IZUMO1R: variants seen among roughly 807,000 people sequenced by gnomAD.
IZUMO1R encodes the protein sperm-egg fusion protein Juno.
Under a neutral mutation model 22.1 loss-of-function variants are expected in IZUMO1R, and 24 were observed. The observed-to-expected ratio is 1.09, with a 90% CI of 0.79 to 1.53. The LOEUF (loss-of-function observed/expected upper bound fraction) is 1.53. IZUMO1R is among the 40% of genes most tolerant of loss of function. IZUMO1R has a pLI of 0.00. For synonymous variants in IZUMO1R, 133 were observed against 121.2 expected (o/e 1.10, Z -0.64); for missense variants, 308 against 314.9 (o/e 0.98, Z 0.17).
chr11:94,305,411 C>A (rs1372179806), intron 1 of IZUMO1R, among the ~76,000 whole-genome samples: 1 of 152,186 alleles, frequency 6.6e-6, no homozygotes, highest in African/African-American at 2.4e-5. Context: ...CTCTGCAGGG[C>A]CAGCAAGGCC....
intron 2 of IZUMO1R, 101 bp downstream of exon 2, chr11:94,305,875 T>G: frequency 7.2e-7 from 1 of 1,396,234 alleles, no homozygotes; most frequent in Non-Finnish European, 9.8e-7. Context: ...ATTTGGTTCC[T>G]GGGGTTAGGA....
At chr11:94,305,975 C>G (rs1423396216) in intron 2 of IZUMO1R, among the ~76,000 whole-genome samples, 2 of 151,164 alleles carry the variant, frequency 1.3e-5, no homozygotes, top group Non-Finnish European at 2.9e-5. Context: ...CTGAGCTGCT[C>G]TAGCCACTGG....
Position 94,307,153 on chromosome 11 carries a change from G to A in IZUMO1R, c.349-12G>A. 6 of 1,586,698 alleles carry A rather than the reference G, an allele frequency of 3.8e-6. No individual in the cohort carries two copies. Among genetic ancestry groups the A allele is most frequent in the Non-Finnish European group, 4.3e-6 (5 of 1,166,086 alleles). On this transcript the variant is annotated splice_polypyrimidine_tract_variant and intron_variant, in intron 3 of 4. Transcript: ENST00000687084. ...TATTAATGTTCTAATCTCTGGCTAT[G>A]ACTGCACCCAGGTGGCCCCGAGTGG...
intron 2 of IZUMO1R, 106 bp from the exon 3 acceptor site, chr11:94,306,407 C>A: frequency 9.5e-7 from 1 of 1,054,682 alleles, no homozygotes; most frequent in Admixed American, 1.7e-5. Flanking sequence ...ATCCCACTTG[C>A]TCAGGCCTCC....
rs1450404882 is a variant in IZUMO1R at position 94,306,728 on chromosome 11, A to G, written c.348+6A>G. 1.9e-6 allele frequency: 3 copies of G among 1,613,642 alleles called. No individual in the cohort carries two copies. The Admixed American group carries it at 5.0e-5, about 27-fold the overall frequency. ...TGGGAAGCCTGGGGTGGGAGGTAGG[A>G]AGCAGATCTGTGCCATGCCCTGTTA... On this transcript the variant is annotated splice_donor_region_variant and intron_variant, in intron 3 of 4. Coordinates refer to ENST00000687084, the MANE Select transcript of IZUMO1R (RefSeq NM_001199206.4).
chr11:94,304,831 T>C lies in IZUMO1R; in HGVS notation c.-55T>C, dbSNP rs1206218664. Among the ~76,000 whole-genome samples the C allele has an allele frequency of 1.3e-5, 2 of 152,144 alleles. No individual in the cohort carries two copies. The highest frequency in any genetic ancestry group is 2.9e-5 in the Non-Finnish European group (2 of 68,020). ...CATGGAACTCCCCTCAGCCTCATAG[T>C]CTCAGGGGGAGGAGGGAGCAGGAGC... On this transcript the variant is annotated 5_prime_UTR_variant, in exon 1 of 5. Coordinates refer to ENST00000687084, the MANE Select transcript of IZUMO1R (RefSeq NM_001199206.4).
At chr11:94,306,389 C>G in intron 2 of IZUMO1R, 124 bp from the exon 3 acceptor site, 1 of 859,586 alleles carries the variant, frequency 1.2e-6, no homozygotes, top group African/African-American at 1.6e-5. Context: ...GGCTTACTAG[C>G]TAAAGGCATC....
chr11:94,307,012 CT>C (rs1944028501), intron 3 of IZUMO1R, among the ~76,000 whole-genome samples, 152 bp from the exon 4 acceptor site: 1 of 152,194 alleles, frequency 6.6e-6, no homozygotes, highest in Non-Finnish European at 1.5e-5. Context: ...TATTAAATCT[CT>C]TAGCCTCATT....
rs1016428721 is a variant in IZUMO1R at position 94,306,373 on chromosome 11, T to A, written c.139-140T>A. ...TGAGAGATTATCAGGGTTCCTCTTATGTAGGGGCTTACTAGCTAAAGGCAT... is the reference window on the plus strand; with the variant it reads ...TGAGAGATTATCAGGGTTCCTCTTAAGTAGGGGCTTACTAGCTAAAGGCAT... On this transcript the variant is annotated intron_variant, in intron 2 of 4. Coordinates refer to ENST00000687084, the MANE Select transcript of IZUMO1R (RefSeq NM_001199206.4). 4.0e-6 allele frequency: 3 copies of A among 752,982 alleles called. No individual in the cohort carries two copies. In the African/African-American group the frequency reaches 5.1e-5, roughly 13 times the overall value. The allele number at this position is 752,982 out of a possible 1,614,324, so 46.6% of individuals were successfully genotyped here.
chr11:94,306,961 C>T (rs1218001082), intron 3 of IZUMO1R, among the ~76,000 whole-genome samples: 1 of 152,104 alleles, frequency 6.6e-6, no homozygotes, highest in Non-Finnish European at 1.5e-5. Flanking sequence ...GAGCTTCAGT[C>T]TCATGTTCTG....
At chr11:94,305,468 A>T in intron 1 of IZUMO1R, 163 bp from the exon 2 acceptor site, 1 of 789,934 alleles carries the variant, frequency 1.3e-6, no homozygotes, top group Non-Finnish European at 2.0e-6. Context: ...CTGCCCTGAC[A>T]TTCTGTGATG....
rs1944026803 is a variant in IZUMO1R at position 94,306,863 on chromosome 11, T to A, written c.348+141T>A. Reference sequence around the variant, plus strand: ...GGACAAGAGCAGAGCCAGAGGCCCCTGCTGGAGAATCACATGGGGGAGACT... The same window carrying A: ...GGACAAGAGCAGAGCCAGAGGCCCCAGCTGGAGAATCACATGGGGGAGACT... On this transcript the variant is annotated intron_variant, in intron 3 of 4. Coordinates refer to ENST00000687084, the MANE Select transcript of IZUMO1R (RefSeq NM_001199206.4). 5 of 889,216 alleles carry A rather than the reference T, an allele frequency of 5.6e-6. No individual in the cohort carries two copies. In the East Asian group the frequency reaches 1.3e-4, roughly 24 times the overall value. 55.1% of individuals were successfully genotyped at this position (889,216 alleles called of 1,614,324 possible). A position where few individuals can be genotyped will look rare whatever the true frequency, so the allele number is the denominator to read the frequency against.
intron 3 of IZUMO1R, 55 bp downstream of exon 3, chr11:94,306,777 A>G (rs2134629555): frequency 6.5e-7 from 1 of 1,546,420 alleles, no homozygotes; most frequent in Admixed American, 1.8e-5. Flanking sequence ...CAGAGCTTTC[A>G]CCCGATCTTA....
At chr11:94,306,966 G>A (rs7935583) in intron 3 of IZUMO1R, among the ~76,000 whole-genome samples, 199 bp from the exon 4 acceptor site, 13,759 of 152,122 alleles carry the variant, frequency 0.09, 1,719 homozygotes, top group African/African-American at 0.28. Context: ...TCAGTCTCAT[G>A]TTCTGTCCCT....
At chr11:94,307,346 G>T (rs749205572) in intron 4 of IZUMO1R, 46 bp downstream of exon 4, 38 of 1,612,030 alleles carry the variant, frequency 2.4e-5, no homozygotes, top group Non-Finnish European at 3.1e-5. Context: ...GCCCCTTGGT[G>T]GTCCCCACAA....
chr11:94,307,498 GAGA>G lies in IZUMO1R; in HGVS notation c.563_565del (p.Lys188del). ...CTTCCCCACCCCAGCTGACCTGTGT[GAGA>G]AGACTTGGAGCAATTCCTTCAAAGC... On this transcript the variant is annotated inframe_deletion, in exon 5 of 5. Coordinates refer to ENST00000687084, the MANE Select transcript of IZUMO1R (RefSeq NM_001199206.4). 1 of 1,613,824 alleles carries G rather than the reference GAGA, an allele frequency of 6.2e-7. No homozygotes were observed. The highest frequency in any genetic ancestry group is 8.5e-7 in the Non-Finnish European group (1 of 1,179,894).
Position 94,307,429 on chromosome 11 carries a change from A to G in IZUMO1R, c.490A>G (p.Asn164Asp), listed in dbSNP as rs79736860. The G allele has an allele frequency of 1.7e-5, 28 of 1,613,902 alleles. No homozygotes were observed. The highest frequency in any genetic ancestry group is 2.3e-5 in the Non-Finnish European group (27 of 1,179,850). ...CCCTCCTCCATCCCCTGCAGGGAAGAACCGCTGCCCCAAAGGGGCCCAGTG... is the reference window on the plus strand; with the variant it reads ...CCCTCCTCCATCCCCTGCAGGGAAGGACCGCTGCCCCAAAGGGGCCCAGTG... ...RGGWDWSQGK[N>D]RCPKGAQCLP... The change falls in exon 5 of 5, where the codon AAC becomes GAC. Residue 164 changes from asparagine (N) to aspartate (D), a missense_variant. Asn to Asp is a conservative substitution (Grantham distance 23). Coordinates refer to ENST00000687084, the MANE Select transcript of IZUMO1R (RefSeq NM_001199206.4).
intron 3 of IZUMO1R, 90 bp from the exon 4 acceptor site, chr11:94,307,075 A>G: frequency 7.1e-7 from 1 of 1,407,240 alleles, no homozygotes; most frequent in Non-Finnish European, 9.7e-7. Context: ...TGATGTACAT[A>G]TGGTACCTGG....
rs532034226 is a variant in IZUMO1R, at chr11:94,305,482, C to T, written c.-6-149C>T. 5.8e-6 allele frequency: 5 copies of T among 862,944 alleles called. No individual in the cohort carries two copies. In the South Asian group the frequency reaches 8.2e-5, roughly 14 times the overall value. 53.5% of individuals were successfully genotyped at this position (862,944 alleles called of 1,614,324 possible). ...CCTGCCCTGACATTCTGTGATGCTG[C>T]CTCCAAAAGAAGGTCCTAGGAGCAG... On this transcript the variant is annotated intron_variant, in intron 1 of 4. Coordinates refer to ENST00000687084, the MANE Select transcript of IZUMO1R (RefSeq NM_001199206.4).
Sources: gnomAD v4.1 joint callset for allele counts (sites outside exome capture counted in the v4.1 genomes callset) on GRCh38, gnomAD v4.1.1 for gene constraint, MANE v1.5 for transcripts, NCBI Gene and HGNC (gene_info 2026-07-23, HGNC 2026-07-21) for gene names.